GRIP1: variants seen among roughly 807,000 people sequenced by gnomAD.
The protein encoded by GRIP1 is glutamate receptor-interacting protein 1.
In GRIP1, 45 loss-of-function variants were observed where a neutral mutation model predicts 129.9. The ratio of observed to expected loss-of-function variants is 0.35; its 90% CI spans 0.27 to 0.44. GRIP1 has a LOEUF of 0.44. GRIP1 is among the 20% of genes least tolerant of loss of function. The pLI, the probability that GRIP1 is intolerant of heterozygous loss-of-function variation, is 1.00. For missense variants in GRIP1, 1,196 were observed against 1,396.8 expected (o/e 0.86, Z 2.29); for synonymous variants, 530 against 520.8 (o/e 1.02, Z -0.24).
At chr12:66,971,564 T>C (rs1021870) in intron 1 of GRIP1, among the ~76,000 whole-genome samples, 64,225 of 151,924 alleles carry the variant, frequency 0.42, 14,026 homozygotes, top group East Asian at 0.62. Flanking sequence ...TAAGGTATGG[T>C]GAAAAAGACA....
chr12:66,475,684 C>T (rs1167330198), intron 7 of GRIP1, among the ~76,000 whole-genome samples: 15 of 152,186 alleles, frequency 9.9e-5, no homozygotes, highest in Non-Finnish European at 2.1e-4. Flanking sequence ...TCACTCAAAA[C>T]CACTCAACTA....
chr12:66,961,953 A>G (rs2041927928), intron 1 of GRIP1, among the ~76,000 whole-genome samples: 1 of 152,174 alleles, frequency 6.6e-6, no homozygotes, highest in Admixed American at 6.6e-5. Context: ...TGCCATAAAA[A>G]CTTTTTAAAA....
At chr12:66,601,332 G>A (rs1217425485) in intron 1 of GRIP1, among the ~76,000 whole-genome samples, 1 of 152,154 alleles carries the variant, frequency 6.6e-6, no homozygotes, top group Non-Finnish European at 1.5e-5. Context: ...CTGGAGCTGG[G>A]AGAATCACAT....
intron 1 of GRIP1, among the ~76,000 whole-genome samples, chr12:66,604,904 C>T (rs932632713): frequency 2.9e-5 from 4 of 140,292 alleles, no homozygotes; most frequent in African/African-American, 5.3e-5. Flanking sequence ...AGAACATATC[C>T]GAGTATTCCT....
At chr12:66,965,898 G>C (rs1033983935) in intron 1 of GRIP1, among the ~76,000 whole-genome samples, 1 of 152,082 alleles carries the variant, frequency 6.6e-6, no homozygotes, top group Non-Finnish European at 1.5e-5. Flanking sequence ...TGCAGTTTCT[G>C]CCAGACAGTC....
Position 66,609,712 on chromosome 12 carries a change from C to T in GRIP1, c.56-12785G>A, listed in dbSNP as rs377178820. On this transcript the variant is annotated intron_variant, in intron 1 of 24. Transcript: ENST00000359742. ...AAACAAAGAAAATGCAATTCAATTC[C>T]ACAAAATGTGATTGTTTAATTTTGA... Among the ~76,000 whole-genome samples, 40 of 152,198 alleles carry T rather than the reference C, an allele frequency of 2.6e-4. 1 individual carries two copies. The highest frequency in any genetic ancestry group is 8.9e-4 in the African/African-American group (37 of 41,546).
At position 66,885,415 on chromosome 12, in the gene GRIP1, G is replaced by C. The variant is rs547999843; in HGVS notation, c.58+183635C>G. Among the ~76,000 whole-genome samples, 15 of 152,306 alleles carry C rather than the reference G, an allele frequency of 9.8e-5. No individual in the cohort carries two copies. In the South Asian group the frequency reaches 3.1e-3, roughly 32 times the overall value. ...TGCCGGCCAATGTGCTATTCTCTCA[G>C]GATGGTCTGAGACAAAAAAAATCTG... On this transcript the variant is annotated intron_variant, in intron 1 of 1. Transcript: ENST00000643019.
intron 1 of GRIP1, among the ~76,000 whole-genome samples, chr12:66,642,145 G>A (rs1323845277): frequency 6.6e-6 from 1 of 152,120 alleles, no homozygotes; most frequent in Non-Finnish European, 1.5e-5. Context: ...GGATGTTACA[G>A]GTGCCAAGAG....
intron 1 of GRIP1, among the ~76,000 whole-genome samples, chr12:66,610,227 CAT>C (rs144947717): frequency 3.3e-5 from 5 of 151,162 alleles, no homozygotes; most frequent in Non-Finnish European, 5.9e-5. Context: ...TACACACACG[CAT>C]ATATATATAT....
chr12:66,822,688 A>G (rs1264665423), intron 1 of GRIP1, among the ~76,000 whole-genome samples: 5 of 152,124 alleles, frequency 3.3e-5, no homozygotes, highest in African/African-American at 1.2e-4. Flanking sequence ...AACCAAAATG[A>G]TGTCCTTTGC....
At chr12:66,950,442 T>A (rs1429199021) in intron 1 of GRIP1, among the ~76,000 whole-genome samples, 1 of 152,176 alleles carries the variant, frequency 6.6e-6, no homozygotes, top group African/African-American at 2.4e-5. Context: ...CCACTTTTAA[T>A]CAATTTATTA....
At chr12:67,003,526 T>C (rs1231749671) in intron 1 of GRIP1, among the ~76,000 whole-genome samples, 2 of 151,870 alleles carry the variant, frequency 1.3e-5, no homozygotes, top group East Asian at 1.9e-4. Flanking sequence ...ATCCCATCTC[T>C]ACTAAAAATA....
At chr12:66,545,353 C>T (rs2061915643) in intron 2 of GRIP1, among the ~76,000 whole-genome samples, 1 of 151,930 alleles carries the variant, frequency 6.6e-6, no homozygotes, top group African/African-American at 2.4e-5. Context: ...TTGGCAAACA[C>T]AAGAGAATTA....
chr12:66,379,555 C>A (rs1453268791), intron 19 of GRIP1, 119 bp from the exon 20 acceptor site: 2 of 994,556 alleles, frequency 2.0e-6, no homozygotes, highest in East Asian at 4.8e-5. Flanking sequence ...CAATAGTGAA[C>A]ACATAGTGTG....
At chr12:66,799,235 A>G (rs867117988) in intron 1 of GRIP1, among the ~76,000 whole-genome samples, 1 of 152,166 alleles carries the variant, frequency 6.6e-6, no homozygotes, top group African/African-American at 2.4e-5. Flanking sequence ...TAACCAGCCC[A>G]TGGAACATGA....
intron 1 of GRIP1, among the ~76,000 whole-genome samples, chr12:66,601,930 T>C (rs1383226824): frequency 6.6e-6 from 1 of 152,160 alleles, no homozygotes; most frequent in East Asian, 1.9e-4. Context: ...GGAGTGGTGA[T>C]GGCAGAATCA....
intron 5 of GRIP1, among the ~76,000 whole-genome samples, chr12:66,522,049 G>A (rs1193699834): frequency 6.6e-6 from 1 of 152,216 alleles, no homozygotes; most frequent in Non-Finnish European, 1.5e-5. Context: ...AGGCCTGCCT[G>A]CCTCTGTAGG....
chr12:66,962,489 A>C (rs1274129017), intron 1 of GRIP1, among the ~76,000 whole-genome samples: 5 of 152,114 alleles, frequency 3.3e-5, no homozygotes, highest in Non-Finnish European at 7.4e-5. Flanking sequence ...CTTAGACTAA[A>C]TAATACTAAA....
chr12:66,426,112 A>T (rs375368438), intron 14 of GRIP1, among the ~76,000 whole-genome samples: 1 of 152,164 alleles, frequency 6.6e-6, no homozygotes, highest in Admixed American at 6.5e-5. Flanking sequence ...TGCTTCGTCC[A>T]GTGTTCTCAG....
Sources: gnomAD v4.1 joint callset for allele counts (sites outside exome capture counted in the v4.1 genomes callset) on GRCh38, gnomAD v4.1.1 for gene constraint, MANE v1.5 for transcripts, NCBI Gene and HGNC (gene_info 2026-07-23, HGNC 2026-07-21) for gene names.